ENTREP2: variants seen among roughly 807,000 people sequenced by gnomAD.
ENTREP2 encodes endosomal transmembrane epsin interactor 2, also known as protein ENTREP2.
chr15:29,382,242 G>A, the ENTREP2 span, among the ~76,000 whole-genome samples: 14 of 148,418 alleles, frequency 9.4e-5, no homozygotes, highest in African/African-American at 3.3e-4. Context: ...AGCCTGGGAG[G>A]CAGAGCGAGA....
the ENTREP2 span, among the ~76,000 whole-genome samples, chr15:29,535,773 A>C: frequency 6.6e-6 from 1 of 151,798 alleles, no homozygotes; most frequent in Admixed American, 6.6e-5. Flanking sequence ...GTCTCACTCT[A>C]TCGGCCAGGC....
chr15:29,462,933 A>C, the ENTREP2 span, among the ~76,000 whole-genome samples: 1 of 152,182 alleles, frequency 6.6e-6, no homozygotes, highest in African/African-American at 2.4e-5. Context: ...GAAGGGTAGG[A>C]AGTTCCAGTT....
At chr15:29,263,991 T>C in the ENTREP2 span, among the ~76,000 whole-genome samples, 1 of 151,626 alleles carries the variant, frequency 6.6e-6, no homozygotes, top group Non-Finnish European at 1.5e-5. Flanking sequence ...CCGTCTCTAC[T>C]AAAAACACAA....
the ENTREP2 span, among the ~76,000 whole-genome samples, chr15:29,200,787 C>T: frequency 6.6e-6 from 1 of 152,108 alleles, no homozygotes; most frequent in Non-Finnish European, 1.5e-5. Context: ...GTCTTGGACT[C>T]CTGACCTCAG....
chr15:29,368,880 GA>G, the ENTREP2 span, among the ~76,000 whole-genome samples: 26 of 147,094 alleles, frequency 1.8e-4, 1 homozygote, highest in South Asian at 3.9e-3. Context: ...GACTCTGTCT[GA>G]AAAAAAAAAT....
the ENTREP2 span, among the ~76,000 whole-genome samples, chr15:29,221,143 G>C: frequency 1.3e-5 from 2 of 151,994 alleles, no homozygotes; most frequent in Non-Finnish European, 2.9e-5. Context: ...GTCTTCCTAG[G>C]ACACAGCAAC....
the ENTREP2 span, among the ~76,000 whole-genome samples, chr15:29,465,378 G>A: frequency 1.5e-4 from 23 of 152,180 alleles, no homozygotes; most frequent in Non-Finnish European, 7.3e-5. Flanking sequence ...TTTGGCTCTA[G>A]TTAAAGCTGC....
At chr15:29,257,951 C>T in the ENTREP2 span, among the ~76,000 whole-genome samples, 2 of 151,818 alleles carry the variant, frequency 1.3e-5, no homozygotes, top group African/African-American at 4.8e-5. Flanking sequence ...GTGGCTCACA[C>T]CTGTAATCCC....
At chr15:29,362,859 T>TAA in the ENTREP2 span, among the ~76,000 whole-genome samples, 1 of 152,248 alleles carries the variant, frequency 6.6e-6, no homozygotes, top group Non-Finnish European at 1.5e-5. Flanking sequence ...CAACTATTTT[T>TAA]AATTTCACTT....
At chr15:29,565,690 G>T in the ENTREP2 span, among the ~76,000 whole-genome samples, 1 of 152,168 alleles carries the variant, frequency 6.6e-6, no homozygotes, top group Non-Finnish European at 1.5e-5. Context: ...CCGGCCGGGT[G>T]CGGTGGCTCA....
chr15:29,660,228 C>G, the ENTREP2 span, among the ~76,000 whole-genome samples: 1 of 152,104 alleles, frequency 6.6e-6, no homozygotes, highest in African/African-American at 2.4e-5. Context: ...CAAATGTGCC[C>G]CCTCCAAAAT....
the ENTREP2 span, among the ~76,000 whole-genome samples, chr15:29,459,984 C>T: frequency 6.6e-6 from 1 of 152,170 alleles, no homozygotes; most frequent in Non-Finnish European, 1.5e-5. Context: ...AGGTGGCTTA[C>T]ACCTGAAATC....
the ENTREP2 span, among the ~76,000 whole-genome samples, chr15:29,429,006 T>C: frequency 3.9e-5 from 6 of 152,224 alleles, no homozygotes; most frequent in Non-Finnish European, 8.8e-5. Context: ...GATCTATTTT[T>C]ACATTAGCTG....
chr15:29,455,864 A>G, the ENTREP2 span, among the ~76,000 whole-genome samples: 1 of 152,316 alleles, frequency 6.6e-6, no homozygotes, highest in Non-Finnish European at 1.5e-5. Flanking sequence ...TAAACTGTGC[A>G]TGTAAAGGAT....
the ENTREP2 span, among the ~76,000 whole-genome samples, chr15:29,388,259 A>C: frequency 6.6e-6 from 1 of 152,254 alleles, no homozygotes; most frequent in Non-Finnish European, 1.5e-5. Context: ...CAAAGAACTC[A>C]AACAAATTTA....
the ENTREP2 span, among the ~76,000 whole-genome samples, chr15:29,581,710 G>GTTT: frequency 1.4e-4 from 21 of 149,140 alleles, no homozygotes. Flanking sequence ...CAGCAAGTTG[G>GTTT]TTTTTTTTTT....
chr15:29,613,055 T>C, the ENTREP2 span, among the ~76,000 whole-genome samples: 4 of 152,078 alleles, frequency 2.6e-5, no homozygotes, highest in Admixed American at 2.0e-4. Context: ...GTGGGCCCCA[T>C]AAAAAGGCAG....
the ENTREP2 span, among the ~76,000 whole-genome samples, chr15:29,228,213 G>A: frequency 6.6e-6 from 1 of 152,176 alleles, no homozygotes; most frequent in Non-Finnish European, 1.5e-5. Flanking sequence ...CAGCTACTCA[G>A]GAGGCTGAGG....
the ENTREP2 span, among the ~76,000 whole-genome samples, chr15:29,133,483 T>C: frequency 2.0e-5 from 3 of 152,058 alleles, no homozygotes; most frequent in Non-Finnish European, 2.9e-5. Flanking sequence ...TGCCGTCCAC[T>C]CCTTTACCTG....
Sources: gnomAD v4.1 joint callset for allele counts (sites outside exome capture counted in the v4.1 genomes callset) on GRCh38, gnomAD v4.1.1 for gene constraint, MANE v1.5 for transcripts, NCBI Gene and HGNC (gene_info 2026-07-23, HGNC 2026-07-21) for gene names.